Variants in TMEM223 observed in about 807,000 individuals in gnomAD.
TMEM223 encodes the protein transmembrane protein 223.
TMEM223 carries 14 observed loss-of-function variants against 14.1 expected under a neutral mutation model. The observed-to-expected ratio is 0.99, with a 90% CI of 0.66 to 1.55. TMEM223 has a LOEUF of 1.55. Ranked by LOEUF, TMEM223 falls within the 40% of genes most tolerant of loss-of-function variation. TMEM223 has a pLI of 0.00. For synonymous variants in TMEM223, 145 were observed against 120.5 expected (o/e 1.20, Z -1.33); for missense variants, 346 against 269.9 (o/e 1.28, Z -1.97).
At chr11:62,785,340 C>T (rs960017972), downstream of TMEM223, among the ~76,000 whole-genome samples, 1 of 149,372 alleles carries the variant, frequency 6.7e-6, no homozygotes, top group South Asian at 2.1e-4. Context: ...TACAGGCGCT[C>T]ACCACCATAC....
intron 2 of TMEM223, among the ~76,000 whole-genome samples, chr11:62,773,550 C>T (rs2084165034): frequency 6.6e-6 from 1 of 151,676 alleles, no homozygotes; most frequent in South Asian, 2.1e-4. Flanking sequence ...CGGGTTCAAG[C>T]GATTCTCCTG....
downstream of TMEM223, chr11:62,786,647 C>A (rs1193431163): frequency 6.2e-7 from 1 of 1,604,552 alleles, no homozygotes; most frequent in Non-Finnish European, 8.5e-7. Context: ...GAGTCGTCCT[C>A]CGGGGGCGGT....
rs1466950486 is a variant in TMEM223 at position 62,771,934 on chromosome 11, G to A, written c.*172C>T. The A allele has an allele frequency of 1.1e-5, 4 of 357,186 alleles. 1 individual carries two copies. The highest frequency in any genetic ancestry group is 2.2e-5 in the Non-Finnish European group (4 of 180,888). 22.1% of individuals were successfully genotyped at this position (357,186 alleles called of 1,614,324 possible). A position where few individuals can be genotyped will look rare whatever the true frequency, so the allele number is the denominator to read the frequency against. On this transcript the variant is annotated 3_prime_UTR_variant, in exon 3 of 3. Transcript: ENST00000528367. ...ATTGGCGGGTCTAGGGTCACCAAGG[G>A]GTGGGTCTCCAATCCATGTCTTTGG...
intron 2 of TMEM223, among the ~76,000 whole-genome samples, chr11:62,772,878 T>G (rs1374649434): frequency 2.6e-5 from 4 of 152,066 alleles, no homozygotes; most frequent in Non-Finnish European, 4.4e-5. Flanking sequence ...TTTTTGTTTT[T>G]TGTTTTGTGT....
At chr11:62,787,372 G>A, downstream of TMEM223, 1 of 1,545,426 alleles carries the variant, frequency 6.5e-7, no homozygotes, top group South Asian at 1.2e-5. Flanking sequence ...GGTCGCGCCG[G>A]ATAAGGTGGG....
chr11:62,782,201 G>A lies in TMEM223; in HGVS notation c.315-7536C>T, dbSNP rs138304617. ...TTTCGTAATCCGCACCTGTGCTTGG[G>A]GCCCTATGTCCGCTGTCTGGTGGGC... On this transcript the variant is annotated intron_variant, in intron 1 of 2. Coordinates refer to the TMEM223 transcript ENST00000528367. 3 of 1,614,048 alleles carry A rather than the reference G, an allele frequency of 1.9e-6. No homozygotes were observed. The African/African-American group carries it at 4.0e-5, about 22-fold the overall frequency.
intron 1 of TMEM223, chr11:62,779,037 T>G (rs2084208171): frequency 5.8e-6 from 7 of 1,204,094 alleles, no homozygotes; most frequent in Non-Finnish European, 8.4e-6. Flanking sequence ...TTTTTTTTTT[T>G]GAGACAGAGT....
In TMEM223 at chr11:62,790,170, A is replaced by T; in HGVS notation, c.*453T>A. ...CCTTTCGTTGGGGGGTGGGGGGGAA[A>T]CATAATGACAGGCCCCCCTCCACCT... On this transcript the variant is annotated 3_prime_UTR_variant, in exon 2 of 2. Transcript: ENST00000307366. The T allele has an allele frequency of 8.9e-7, 1 of 1,126,418 alleles. No homozygotes were observed. Among genetic ancestry groups the T allele is most frequent in the South Asian group, 1.7e-5 (1 of 59,122 alleles). 69.8% of individuals were successfully genotyped at this position (1,126,418 alleles called of 1,614,324 possible). A position where few individuals can be genotyped will look rare whatever the true frequency, so the allele number is the denominator to read the frequency against.
At chr11:62,774,004 A>C (rs948610529) in intron 2 of TMEM223, among the ~76,000 whole-genome samples, 1 of 152,134 alleles carries the variant, frequency 6.6e-6, no homozygotes, top group Non-Finnish European at 1.5e-5. Flanking sequence ...AAAGTAGGAG[A>C]TAAGAGGTAA....
intron 1 of TMEM223, among the ~76,000 whole-genome samples, chr11:62,781,319 C>T (rs1384463618): frequency 6.6e-6 from 1 of 151,708 alleles, no homozygotes; most frequent in Non-Finnish European, 1.5e-5. Flanking sequence ...TGATTACTCT[C>T]ATAAAAACCT....
At chr11:62,778,282 T>C in intron 1 of TMEM223, 3 of 1,614,188 alleles carry the variant, frequency 1.9e-6, no homozygotes, top group Non-Finnish European at 2.5e-6. Flanking sequence ...GCACTGCTTC[T>C]AGTTCATGTC....
chr11:62,789,848 G>A (rs748952067), downstream of TMEM223: 2 of 1,594,602 alleles, frequency 1.3e-6, no homozygotes. Flanking sequence ...GATTTGAAAT[G>A]GTCCCACTCC....
intron 1 of TMEM223, 46 bp from the exon 2 acceptor site, chr11:62,790,961 C>G (rs2084354551): frequency 1.4e-6 from 2 of 1,478,898 alleles, no homozygotes; most frequent in Admixed American, 2.5e-5. Flanking sequence ...CACTGGGCAT[C>G]TAAGTACCGA....
chr11:62,776,850 GA>G (rs71056563), intron 1 of TMEM223, among the ~76,000 whole-genome samples: 3,319 of 68,184 alleles, frequency 0.049, 54 homozygotes, highest in Admixed American at 0.051. Flanking sequence ...CTCAAAAAAA[GA>G]AAAAAAAAAA....
chr11:62,790,186 C>T lies in TMEM223; in HGVS notation c.*437G>A, dbSNP rs2084343410. 4 of 902,658 alleles carry T rather than the reference C, an allele frequency of 4.4e-6. No homozygotes were observed. The African/African-American group carries it at 5.1e-5, about 11-fold the overall frequency. 55.9% of individuals were successfully genotyped at this position (902,658 alleles called of 1,614,324 possible). A position where few individuals can be genotyped will look rare whatever the true frequency, so the allele number is the denominator to read the frequency against. ...GGGGGGGAAACATAATGACAGGCCCCCCTCCACCTCTTCCTGCAGCTGTTT... is the reference window on the plus strand; with the variant it reads ...GGGGGGGAAACATAATGACAGGCCCTCCTCCACCTCTTCCTGCAGCTGTTT... On this transcript the variant is annotated 3_prime_UTR_variant, in exon 2 of 2. Transcript: ENST00000307366.
chr11:62,774,325 C>T (rs1200389407), intron 2 of TMEM223, among the ~76,000 whole-genome samples: 1 of 152,166 alleles, frequency 6.6e-6, no homozygotes, highest in African/African-American at 2.4e-5. Context: ...ATCCGCCTGC[C>T]TCGGCCTCCC....
chr11:62,791,568 A>AGCCC (rs2084361177), intron 1 of TMEM223, 111 bp downstream of exon 1: 5 of 1,317,082 alleles, frequency 3.8e-6, no homozygotes, highest in Non-Finnish European at 3.0e-6. Context: ...TGTGGGGTAA[A>AGCCC]GCCCGCCCGC....
downstream of TMEM223, chr11:62,786,536 T>C: frequency 6.4e-7 from 1 of 1,552,228 alleles, no homozygotes; most frequent in Non-Finnish European, 8.7e-7. Flanking sequence ...GAGCGACTGC[T>C]GAAGATGAAG....
At chr11:62,778,939 A>G (rs2084207041) in intron 1 of TMEM223, 1 of 1,610,260 alleles carries the variant, frequency 6.2e-7, no homozygotes, top group Admixed American at 1.7e-5. Context: ...GTGCTGTGCT[A>G]GGGGATGATC....
Sources: allele counts gnomAD v4.1 joint callset (sites outside exome capture counted in the v4.1 genomes callset), GRCh38; gene constraint gnomAD v4.1.1; transcripts MANE v1.5; gene names NCBI Gene and HGNC (gene_info 2026-07-23, HGNC 2026-07-21).